The following ITFG1 variants were observed in gnomAD, a reference collection of about 807,000 sequenced individuals.
The protein encoded by ITFG1 is T-cell immunomodulatory protein.
Under a neutral mutation model 81.8 loss-of-function variants are expected in ITFG1, and 34 were observed. The ratio of observed to expected loss-of-function variants is 0.42; its 90% CI spans 0.32 to 0.55. The LOEUF (loss-of-function observed/expected upper bound fraction) is 0.55, where lower values mean the gene tolerates loss of function less well. ITFG1 is among the 20% of genes least tolerant of loss of function. The pLI, the probability that ITFG1 is intolerant of heterozygous loss-of-function variation, is 0.17. For synonymous variants in ITFG1, 285 were observed against 270.6 expected, an observed-to-expected ratio of 1.05 and a Z score of -0.52; for missense variants, 672 against 755.4, an observed-to-expected ratio of 0.89 and a Z score of 1.29.
intron 5 of ITFG1, among the ~76,000 whole-genome samples, chr16:47,441,329 T>C (rs1396015917): frequency 6.6e-6 from 1 of 152,214 alleles, no homozygotes; most frequent in African/African-American, 2.4e-5. Flanking sequence ...ACTCATTTTA[T>C]GAGGCCAGCA....
intron 10 of ITFG1, chr16:47,299,591 G>C (rs569080237): frequency 6.5e-6 from 1 of 152,782 alleles, no homozygotes; most frequent in African/African-American, 2.4e-5. Context: ...TCAGGGAGAA[G>C]TGGAGCAACT....
chr16:47,182,393 A>C (rs555268740), intron 14 of ITFG1, among the ~76,000 whole-genome samples: 7 of 152,026 alleles, frequency 4.6e-5, no homozygotes, highest in African/African-American at 9.7e-5. Context: ...TCTCAAAAAA[A>C]AAAAAAGAAA....
intron 10 of ITFG1, among the ~76,000 whole-genome samples, chr16:47,301,693 G>A (rs1481082504): frequency 6.6e-6 from 1 of 152,132 alleles, no homozygotes; most frequent in Non-Finnish European, 1.5e-5. Flanking sequence ...ATCGTGCCCA[G>A]CTATTTCCAA....
chr16:47,209,399 C>G (rs1965538712), intron 14 of ITFG1, among the ~76,000 whole-genome samples: 1 of 152,084 alleles, frequency 6.6e-6, no homozygotes, highest in Non-Finnish European at 1.5e-5. Context: ...GAACCTTATA[C>G]AAATATACAA....
At chr16:47,304,207 A>G (rs142991362) in intron 10 of ITFG1, among the ~76,000 whole-genome samples, 64 of 152,250 alleles carry the variant, frequency 4.2e-4, no homozygotes, top group African/African-American at 1.5e-3. Flanking sequence ...GATCTCTTGG[A>G]ATTAAAGTCA....
intron 6 of ITFG1, among the ~76,000 whole-genome samples, chr16:47,404,041 C>T (rs944209381): frequency 6.6e-6 from 1 of 152,060 alleles, no homozygotes; most frequent in Non-Finnish European, 1.5e-5. Flanking sequence ...AAATAAAGTG[C>T]ACAATAAATG....
intron 8 of ITFG1, among the ~76,000 whole-genome samples, chr16:47,364,567 T>G (rs1316910368): frequency 6.6e-6 from 1 of 152,154 alleles, no homozygotes; most frequent in Non-Finnish European, 1.5e-5. Flanking sequence ...CTAATCAAAT[T>G]AGCCAGAAAA....
intron 13 of ITFG1, among the ~76,000 whole-genome samples, chr16:47,231,105 G>T (rs992766542): frequency 2.6e-5 from 4 of 152,058 alleles, no homozygotes; most frequent in African/African-American, 9.7e-5. Context: ...ATACTGTCAA[G>T]AAAAAAAGAT....
intron 6 of ITFG1, among the ~76,000 whole-genome samples, chr16:47,410,129 A>C (rs1187754563): frequency 1.3e-5 from 2 of 152,084 alleles, no homozygotes; most frequent in African/African-American, 4.8e-5. Flanking sequence ...AAAAAGAAAA[A>C]TTAGCCAGGC....
At chr16:47,277,660 A>G (rs171932) in intron 10 of ITFG1, among the ~76,000 whole-genome samples, 150,396 of 152,302 alleles carry the variant, frequency 0.99, 74,282 homozygotes, top group East Asian at 1. Flanking sequence ...CAATATAGTA[A>G]GAACTATTCA....
At chr16:47,242,955 T>C (rs543643767) in intron 12 of ITFG1, among the ~76,000 whole-genome samples, 1 of 152,324 alleles carries the variant, frequency 6.6e-6, no homozygotes, top group African/African-American at 2.4e-5. Flanking sequence ...TTAAAATTTA[T>C]AGAGCTGTGC....
At chr16:47,433,770 A>AATATATAT (rs59030134) in intron 5 of ITFG1, among the ~76,000 whole-genome samples, 2,140 of 124,432 alleles carry the variant, frequency 0.017, 107 homozygotes, top group African/African-American at 0.064. Context: ...ATAAAAACTG[A>AATATATAT]ATATATATAT....
chr16:47,373,342 G>A (rs557954056), intron 7 of ITFG1, among the ~76,000 whole-genome samples: 1 of 152,168 alleles, frequency 6.6e-6, no homozygotes, highest in African/African-American at 2.4e-5. Flanking sequence ...GAGTGCAGTG[G>A]TGCAATCTCG....
chr16:47,265,486 T>C (rs1423607348), intron 10 of ITFG1, among the ~76,000 whole-genome samples: 5 of 152,054 alleles, frequency 3.3e-5, no homozygotes, highest in African/African-American at 9.7e-5. Flanking sequence ...AGATGTAAAA[T>C]GTGTGATAAA....
chr16:47,320,354 T>C (rs1477583095), intron 8 of ITFG1, among the ~76,000 whole-genome samples: 1 of 152,234 alleles, frequency 6.6e-6, no homozygotes, highest in Non-Finnish European at 1.5e-5. Flanking sequence ...TTATATTTTA[T>C]AAAGGCATTT....
At position 47,220,731 on chromosome 16, in the gene ITFG1, G is replaced by A. The variant is rs563341203; in HGVS notation, c.1375-1785C>T. On this transcript the variant is annotated intron_variant, in intron 13 of 17. Transcript: ENST00000320640. ...TGCATGATAGTACAAAACCATTCAC[G>A]GGTAAAAGATCCATCTAAAGTGCAA... Among the ~76,000 whole-genome samples the A allele has an allele frequency of 3.9e-5, 6 of 152,156 alleles. No homozygotes were observed. The South Asian group carries it at 1.2e-3, about 32-fold the overall frequency.
chr16:47,298,584 A>T (rs1967021308), intron 10 of ITFG1, among the ~76,000 whole-genome samples: 1 of 152,164 alleles, frequency 6.6e-6, no homozygotes, highest in Non-Finnish European at 1.5e-5. Context: ...AGTTAAAAAT[A>T]GCTTTAATGT....
At chr16:47,328,595 T>C (rs1967594819) in intron 8 of ITFG1, among the ~76,000 whole-genome samples, 4 of 152,106 alleles carry the variant, frequency 2.6e-5, no homozygotes. Context: ...AAATACTTAG[T>C]ATATCCTTGT....
chr16:47,359,908 T>C (rs1968087925), intron 8 of ITFG1, among the ~76,000 whole-genome samples: 1 of 152,244 alleles, frequency 6.6e-6, no homozygotes, highest in African/African-American at 2.4e-5. Flanking sequence ...ATTAATTTAA[T>C]TGTTTTTGTC....
Sources: allele counts gnomAD v4.1 joint callset (sites outside exome capture counted in the v4.1 genomes callset), GRCh38; gene constraint gnomAD v4.1.1; transcripts MANE v1.5; gene names NCBI Gene and HGNC (gene_info 2026-07-23, HGNC 2026-07-21).